Variants in PHF3 observed in about 807,000 individuals in gnomAD.
PHF3 encodes PHD finger protein 3.
A neutral mutation model predicts 178.4 loss-of-function variants in PHF3; 41 were observed. The ratio of observed to expected loss-of-function variants is 0.23; its 90% CI spans 0.18 to 0.30. The LOEUF (loss-of-function observed/expected upper bound fraction) is 0.30. Among genes scored for constraint, PHF3 ranks in the 10% least tolerant of loss-of-function variants. The pLI, the probability that PHF3 is intolerant of heterozygous loss-of-function variation, is 1.00. For missense variants in PHF3, 2,346 were observed against 2,398.1 expected (o/e 0.98, Z 0.45); for synonymous variants, 842 against 800.5 (o/e 1.05, Z -0.88).
Position 63,636,167 on chromosome 6 carries a change from G to A in PHF3, c.-26+17G>A. 1 of 383,544 alleles carries A rather than the reference G, an allele frequency of 2.6e-6. No homozygotes were observed. The highest frequency in any genetic ancestry group is 3.7e-5 in the East Asian group (1 of 27,086). The allele number at this position is 383,544 out of a possible 1,614,324, so 23.8% of individuals were successfully genotyped here. On this transcript the variant is annotated intron_variant, in intron 1 of 15. Coordinates refer to ENST00000262043, the MANE Select transcript of PHF3 (RefSeq NM_001370348.2). ...CGGAGCTGGGTGAGTTGCGGCTGTGGCCGCGGCCAGGGAGACGGGCAATCC... is the reference window on the plus strand; with the variant it reads ...CGGAGCTGGGTGAGTTGCGGCTGTGACCGCGGCCAGGGAGACGGGCAATCC...
chr6:63,686,772 C>T (rs1024304038), intron 4 of PHF3, among the ~76,000 whole-genome samples: 2 of 152,154 alleles, frequency 1.3e-5, no homozygotes, highest in Non-Finnish European at 2.9e-5. Flanking sequence ...ATATTATATT[C>T]TTCTTATCCT....
intron 9 of PHF3, among the ~76,000 whole-genome samples, 184 bp downstream of exon 9, chr6:63,700,650 C>T (rs1767433606): frequency 6.6e-6 from 1 of 152,098 alleles, no homozygotes; most frequent in Non-Finnish European, 1.5e-5. Flanking sequence ...GCAGCATGAT[C>T]TCAGCTCACT....
At chr6:63,653,864 G>A (rs900314370) in intron 2 of PHF3, among the ~76,000 whole-genome samples, 2 of 152,008 alleles carry the variant, frequency 1.3e-5, no homozygotes, top group East Asian at 3.9e-4. Flanking sequence ...TATCACTTAC[G>A]CTTTTCCTGT....
rs1561988230 is a variant in PHF3 at position 63,713,492 on chromosome 6, TAAAGAG to T, written c.5906_5911del (p.Lys1969_Glu1970del). On this transcript the variant is annotated inframe_deletion, in exon 16 of 16. Transcript: ENST00000262043. ...AAAGCAGGGAGGAAGGGCACAAAGA[TAAAGAG>T]AGGGCACGGTTATCACATGGTGATC... 2 of 1,613,168 alleles carry T rather than the reference TAAAGAG, an allele frequency of 1.2e-6. No homozygotes were observed. The highest frequency in any genetic ancestry group is 1.7e-6 in the Non-Finnish European group (2 of 1,179,824).
chr6:63,652,470 T>G (rs557140031), intron 2 of PHF3, among the ~76,000 whole-genome samples: 335 of 152,308 alleles, frequency 2.2e-3, no homozygotes, highest in Non-Finnish European at 2.7e-3. Flanking sequence ...TAGCAAATAT[T>G]TTCTCCCATT....
intron 11 of PHF3, among the ~76,000 whole-genome samples, chr6:63,704,026 A>T (rs1386769494): frequency 6.6e-6 from 1 of 152,246 alleles, no homozygotes; most frequent in Admixed American, 6.5e-5. Flanking sequence ...TTTATATTTT[A>T]TTATATATAA....
chr6:63,640,210 T>C (rs1158247456), intron 1 of PHF3, among the ~76,000 whole-genome samples: 1 of 152,220 alleles, frequency 6.6e-6, no homozygotes, highest in Non-Finnish European at 1.5e-5. Flanking sequence ...CTTTGTAGAA[T>C]GATACTTTGT....
chr6:63,703,592 G>T lies in PHF3; in HGVS notation c.3288G>T (p.Glu1096Asp), dbSNP rs745547822. The change falls in exon 11 of 16, where the codon GAG (glutamate) becomes GAT (aspartate). Residue 1096 changes from glutamate to aspartate, a missense_variant. By Grantham distance (45) the Glu-to-Asp change is conservative. Coordinates refer to ENST00000262043, the MANE Select transcript of PHF3 (RefSeq NM_001370348.2). ...CAGAAGGATCTGAAAAACAAAAAGA[G>T]GAGGTTGACTCTATGTCTAAAGATA... ...EKPEGSEKQKEEVDSMSKDTT... is the reference protein window; with the variant it reads ...EKPEGSEKQKDEVDSMSKDTT... 6.2e-7 allele frequency: 1 copy of T among 1,612,932 alleles called. No individual in the cohort carries two copies. Among genetic ancestry groups the T allele is most frequent in the South Asian group, 1.1e-5 (1 of 90,880 alleles).
chr6:63,713,202 C>T lies in PHF3; in HGVS notation c.5614C>T (p.Leu1872Phe), dbSNP rs756128273. 2 of 1,614,054 alleles carry T rather than the reference C, an allele frequency of 1.2e-6. No homozygotes were observed. The highest frequency in any genetic ancestry group is 2.2e-5 in the East Asian group (1 of 44,880). ...PGQPQRMMGP[L>F]SQASRYIGPQ... ...TCAGCCACAGCGTATGATGGGTCCT[C>T]TCTCACAAGCATCAAGGTATATAGG... Residue 1872 changes from leucine to phenylalanine, a missense_variant, in exon 16 of 16, where the codon CTC (leucine) becomes TTC (phenylalanine). Around this residue, in one of 8 missense-constraint regions of PHF3, gnomAD observed 839 missense variants for 806.9 expected, o/e 1.04. Transcript: ENST00000262043.
Position 63,646,660 on chromosome 6 carries a change from A to T in PHF3, c.109A>T (p.Ser37Cys). The stretch of plus-strand genomic sequence containing the variant: ...TGAAGTCTGTGAGGATTTTAGTGCA[A>T]GTCAAAATGTCTTAGAGGACTCGCT... ...ENEVCEDFSASQNVLEDSLKN... is the reference protein window; with the variant it reads ...ENEVCEDFSACQNVLEDSLKN... The change falls in exon 2 of 16, where the codon AGT becomes TGT. Residue 37 changes from serine (S) to cysteine (C), a missense_variant. This residue lies in a region of PHF3 where 843 missense variants were observed against 795.2 expected (regional missense o/e 1.06). Transcript: ENST00000262043. 6.2e-7 allele frequency: 1 copy of T among 1,613,958 alleles called. No homozygotes were observed. The highest frequency in any genetic ancestry group is 8.5e-7 in the Non-Finnish European group (1 of 1,179,980).
chr6:63,656,107 C>A (rs1396205450), intron 2 of PHF3, among the ~76,000 whole-genome samples: 3 of 152,190 alleles, frequency 2.0e-5, no homozygotes, highest in Non-Finnish European at 4.4e-5. Context: ...TTCAGAAAAT[C>A]CAGAGTAGGG....
At chr6:63,687,964 C>T (rs375233904) in intron 4 of PHF3, among the ~76,000 whole-genome samples, 1 of 152,034 alleles carries the variant, frequency 6.6e-6, no homozygotes, top group South Asian at 2.1e-4. Flanking sequence ...TTTTCGATTA[C>T]TTCAATTTTG....
chr6:63,709,227 C>A lies in PHF3; in HGVS notation c.3788C>A (p.Ala1263Glu). The change falls in exon 14 of 16, where the codon GCA becomes GAA. Residue 1263 changes from alanine to glutamate, a missense_variant. Transcript: ENST00000262043. ...TGGGATTATGTGGAAAAAATAAAAG[C>A]ATCAGGAACCAAGGTGAGGAAAACT... The part of the protein sequence containing the change: ...TVWDYVEKIK[A>E]SGTKEICVVR... 1 of 1,608,226 alleles carries A rather than the reference C, an allele frequency of 6.2e-7. No individual in the cohort carries two copies. Among genetic ancestry groups the A allele is most frequent in the Non-Finnish European group, 8.5e-7 (1 of 1,176,318 alleles).
chr6:63,707,043 G>A (rs1463325613), intron 13 of PHF3, among the ~76,000 whole-genome samples, 167 bp downstream of exon 13: 2 of 152,284 alleles, frequency 1.3e-5, no homozygotes, highest in South Asian at 2.1e-4. Context: ...CTTTAGAATT[G>A]TAAAATAAAC....
intron 2 of PHF3, chr6:63,678,967 A>G (rs553168140): frequency 6.9e-5 from 21 of 303,286 alleles, no homozygotes; most frequent in African/African-American, 4.7e-4. Context: ...TCTAAAGTTT[A>G]CAGAGTGAGT....
chr6:63,682,005 A>G (rs573941625), intron 3 of PHF3, among the ~76,000 whole-genome samples: 1 of 152,256 alleles, frequency 6.6e-6, no homozygotes, highest in African/African-American at 2.4e-5. Context: ...GAAGCCTGTA[A>G]GGGAAACTGA....
At chr6:63,710,398 A>T (rs1232676628) in intron 14 of PHF3, among the ~76,000 whole-genome samples, 1 of 151,724 alleles carries the variant, frequency 6.6e-6, no homozygotes, top group Admixed American at 6.6e-5. Context: ...CACATTTTAT[A>T]AGAGAGTCAT....
At position 63,717,726 on chromosome 6, in the gene PHF3, A is replaced by G. The variant is rs1438995403; in HGVS notation, c.*4018A>G. Among the ~76,000 whole-genome samples the G allele has an allele frequency of 2.6e-5, 4 of 152,028 alleles. No homozygotes were observed. The East Asian group carries it at 7.7e-4, about 29-fold the overall frequency. ...ATCCCCAAAATACTTTTTCTATGAA[A>G]TAATTCAGTGTGTGCATGTCCATGT... On this transcript the variant is annotated 3_prime_UTR_variant, in exon 16 of 16. Coordinates refer to ENST00000262043, the MANE Select transcript of PHF3 (RefSeq NM_001370348.2).
chr6:63,643,752 G>A (rs1050606682), intron 1 of PHF3, among the ~76,000 whole-genome samples: 6 of 152,076 alleles, frequency 3.9e-5, no homozygotes, highest in African/African-American at 1.4e-4. Flanking sequence ...AGTCATAATA[G>A]TTTTGACTTA....
Sources: allele counts gnomAD v4.1 joint callset (sites outside exome capture counted in the v4.1 genomes callset), GRCh38; gene constraint gnomAD v4.1.1; regional missense constraint gnomAD v4.1.1; transcripts MANE v1.5; gene names NCBI Gene and HGNC (gene_info 2026-07-23, HGNC 2026-07-21).